The following TTC23 variants were observed in gnomAD, a reference collection of about 807,000 sequenced individuals.
TTC23 encodes tetratricopeptide repeat protein 23.
In TTC23, 58 loss-of-function variants were observed where a neutral mutation model predicts 55.1. The ratio of observed to expected loss-of-function variants is 1.05; its 90% CI spans 0.85 to 1.31. The LOEUF (loss-of-function observed/expected upper bound fraction) is 1.31. Ranked by LOEUF, TTC23 falls within the 50% of genes most tolerant of loss-of-function variation. TTC23 has a pLI of 0.00. For synonymous variants in TTC23, 203 were observed against 199.9 expected, an observed-to-expected ratio of 1.02 and a Z score of -0.13; for missense variants, 516 against 534.4, an observed-to-expected ratio of 0.97 and a Z score of 0.34.
chr15:99,206,783 AT>A (rs1187119707), intron 8 of TTC23, among the ~76,000 whole-genome samples: 1 of 151,954 alleles, frequency 6.6e-6, no homozygotes, highest in Non-Finnish European at 1.5e-5. Context: ...CATCTTTTGA[AT>A]TTTTTTAGTC....
chr15:99,239,748 T>C (rs974505885), intron 3 of TTC23, among the ~76,000 whole-genome samples: 10 of 152,120 alleles, frequency 6.6e-5, no homozygotes, highest in African/African-American at 2.4e-4. Context: ...TAGCCAGAGA[T>C]GGAGAATCTG....
rs758302653 is a variant in TTC23 at position 99,199,969 on chromosome 15, C to T, written c.709G>A (p.Val237Ile). The T allele has an allele frequency of 5.6e-6, 9 of 1,613,812 alleles. No homozygotes were observed. The African/African-American group carries it at 6.7e-5, about 12-fold the overall frequency. ...TCGTGGAGTCCCAGGGCTTGCTCTA[C>T]ACCTGCTAATTCTCTCAATATGGGT... ...CVPILRELAG[V>I]EQALGLHDVS... is the part of the protein sequence containing the mutation. The change falls in exon 9 of 14, where the codon GTA (valine) becomes ATA (isoleucine). Residue 237 changes from valine to isoleucine, a missense_variant. Val to Ile is a conservative substitution (Grantham distance 29). Coordinates refer to ENST00000394132, the MANE Select transcript of TTC23 (RefSeq NM_001288615.3).
chr15:99,248,473 C>A (rs1046839495), intron 1 of TTC23, among the ~76,000 whole-genome samples: 2 of 152,180 alleles, frequency 1.3e-5, no homozygotes, highest in Non-Finnish European at 2.9e-5. Context: ...ACAACTCACT[C>A]ACTAGTAGGG....
intron 5 of TTC23, among the ~76,000 whole-genome samples, chr15:99,222,921 C>G (rs1204592292): frequency 6.6e-6 from 1 of 152,148 alleles, no homozygotes; most frequent in African/African-American, 2.4e-5. Flanking sequence ...GGTGTGAACC[C>G]GGGAGGCGGA....
chr15:99,224,477 G>C (rs1424184530), intron 5 of TTC23, among the ~76,000 whole-genome samples: 3 of 152,106 alleles, frequency 2.0e-5, no homozygotes. Flanking sequence ...ATATAAGTTT[G>C]AATGGCTGCA....
At chr15:99,242,749 T>C (rs2079914038) in intron 2 of TTC23, among the ~76,000 whole-genome samples, 2 of 152,198 alleles carry the variant, frequency 1.3e-5, no homozygotes. Context: ...ATCATCTTGA[T>C]AGATGCAGAA....
chr15:99,156,180 T>A lies in TTC23; in HGVS notation c.1111A>T (p.Asn371Tyr). The change falls in exon 12 of 14, where the codon AAC becomes TAC. Residue 371 changes from asparagine to tyrosine, a missense_variant. Asn to Tyr is a moderately radical substitution (Grantham distance 143). Transcript: ENST00000394132. Reference sequence around the variant, plus strand: ...AGTTTCTTGCGGGCCCCACTGTGGTTCCCCTGCGCCAGGTCTGCTCCTCCC... The same window carrying A: ...AGTTTCTTGCGGGCCCCACTGTGGTACCCCTGCGCCAGGTCTGCTCCTCCC... ...LLGGADLAQG[N>Y]HSGARKKLKK... 1 of 1,614,164 alleles carries A rather than the reference T, an allele frequency of 6.2e-7. No individual in the cohort carries two copies. Among genetic ancestry groups the A allele is most frequent in the Non-Finnish European group, 8.5e-7 (1 of 1,180,024 alleles).
At chr15:99,161,672 G>T (rs778960681) in intron 11 of TTC23, 68 bp downstream of exon 11, 24 of 1,541,266 alleles carry the variant, frequency 1.6e-5, no homozygotes, top group Non-Finnish European at 2.1e-5. Flanking sequence ...GATGCTTGCA[G>T]AGTAAAGGAG....
chr15:99,176,503 CGGGA>C (rs2073571409), intron 9 of TTC23, among the ~76,000 whole-genome samples: 1 of 152,028 alleles, frequency 6.6e-6, no homozygotes, highest in Non-Finnish European at 1.5e-5. Context: ...CCCAGCTACT[CGGGA>C]GGGCTAAAGC....
intron 8 of TTC23, among the ~76,000 whole-genome samples, chr15:99,201,233 TAGAATA>T (rs1317238108): frequency 6.6e-6 from 1 of 152,228 alleles, no homozygotes; most frequent in Non-Finnish European, 1.5e-5. Flanking sequence ...TATACCTTCT[TAGAATA>T]AGAATCTCTC....
chr15:99,201,970 G>A (rs2076236794), intron 8 of TTC23, among the ~76,000 whole-genome samples: 1 of 152,104 alleles, frequency 6.6e-6, no homozygotes, highest in African/African-American at 2.4e-5. Flanking sequence ...AAAAATGGGG[G>A]TCAGCAAACT....
chr15:99,170,542 C>T (rs541946683), intron 10 of TTC23, among the ~76,000 whole-genome samples: 1 of 152,344 alleles, frequency 6.6e-6, no homozygotes, highest in South Asian at 2.1e-4. Context: ...CCAGCCAGGA[C>T]TTCTGAATTA....
At position 99,223,660 on chromosome 15, in the gene TTC23, G is replaced by A. The variant is rs115210992; in HGVS notation, c.181-1796C>T. Among the ~76,000 whole-genome samples the A allele has an allele frequency of 8.6e-3, 1,303 of 152,286 alleles. 19 individuals carry two copies. The highest frequency in any genetic ancestry group is 0.03 in the African/African-American group (1,249 of 41,544). The stretch of plus-strand genomic sequence containing the variant: ...ACAGTGCTGTGAGGAAGCCAACATG[G>A]CCCCATGGAGAGAAGACCCACATAG... On this transcript the variant is annotated intron_variant, in intron 5 of 13. Coordinates refer to ENST00000394132, the MANE Select transcript of TTC23 (RefSeq NM_001288615.3).
chr15:99,200,101 A>AAAATC lies in TTC23; in HGVS notation c.582-6_582-5insGATTT. 6.4e-7 allele frequency: 1 copy of AAAATC among 1,569,276 alleles called. No individual in the cohort carries two copies. Among genetic ancestry groups the AAAATC allele is most frequent in the Non-Finnish European group, 8.6e-7 (1 of 1,163,270 alleles). The stretch of plus-strand genomic sequence containing the variant: ...TTCTTCTGACCTTGATACACCCTAA[A>AAAATC]AAAATCAAAGGAATTATTTTATTTA... On this transcript the variant is annotated splice_region_variant and splice_polypyrimidine_tract_variant and intron_variant, in intron 8 of 13. Transcript: ENST00000394132.
chr15:99,184,390 C>A (rs1372297742), intron 9 of TTC23, among the ~76,000 whole-genome samples: 3 of 152,226 alleles, frequency 2.0e-5, no homozygotes, highest in Non-Finnish European at 4.4e-5. Context: ...GGGTTGTACC[C>A]TGCAAAGCCA....
At position 99,139,317 on chromosome 15, in the gene TTC23, G is replaced by A. The variant is rs202004274; in HGVS notation, c.1226C>T (p.Thr409Met). 5.6e-6 allele frequency: 9 copies of A among 1,612,284 alleles called. No homozygotes were observed. Among genetic ancestry groups the A allele is most frequent in the East Asian group, 2.2e-5 (1 of 44,884 alleles). Residue 409 changes from threonine (T) to methionine (M), a missense_variant and splice_region_variant, in exon 13 of 14, where the codon ACG becomes ATG. Transcript: ENST00000394132. ...ATQQAMGMLS[T>M]APKVASKPRQ... ...GAAAGTGTGAGGGACGCCAACTCAC[G>A]TGGACAGCATGCCCATGGCCTGCTG...
chr15:99,151,741 GCTC>G (rs2069788197), intron 12 of TTC23, among the ~76,000 whole-genome samples: 1 of 152,166 alleles, frequency 6.6e-6, no homozygotes, highest in African/African-American at 2.4e-5. Flanking sequence ...CATTTTTTAA[GCTC>G]AGGGACCCCT....
chr15:99,169,344 T>C (rs2072595303), intron 10 of TTC23, among the ~76,000 whole-genome samples: 1 of 152,116 alleles, frequency 6.6e-6, no homozygotes. Flanking sequence ...CATGGCTTAC[T>C]CTCACTTGAC....
At chr15:99,159,466 T>C (rs1281114383) in intron 11 of TTC23, 2 of 152,248 alleles carry the variant, frequency 1.3e-5, no homozygotes, top group African/African-American at 2.4e-5. Context: ...GAGTATCTAA[T>C]GAAGCCTGGG....
Sources: gnomAD v4.1 joint callset for allele counts (sites outside exome capture counted in the v4.1 genomes callset) on GRCh38, gnomAD v4.1.1 for gene constraint, MANE v1.5 for transcripts, NCBI Gene and HGNC (gene_info 2026-07-23, HGNC 2026-07-21) for gene names.